Variants in DPP10 observed in about 807,000 individuals in gnomAD.
DPP10 encodes dipeptidyl peptidase like 10.
In DPP10, 33 loss-of-function variants were observed where a neutral mutation model predicts 120.9. That is an observed-to-expected ratio of 0.27 (90% confidence interval 0.21 to 0.37). The LOEUF (loss-of-function observed/expected upper bound fraction) is 0.37, where lower values mean the gene tolerates loss of function less well. Among genes scored for constraint, DPP10 ranks in the 10% least tolerant of loss-of-function variants. The probability of loss-of-function intolerance (pLI) is 1.00; values close to 1 mark genes in which losing one functional copy is unlikely to be tolerated. For missense variants in DPP10, 816 were observed against 942.8 expected, an observed-to-expected ratio of 0.87 and a Z score of 1.76; for synonymous variants, 337 against 326.1, an observed-to-expected ratio of 1.03 and a Z score of -0.36.
chr2:114,512,208 C>A (rs979313153), intron 1 of DPP10, among the ~76,000 whole-genome samples: 3 of 152,138 alleles, frequency 2.0e-5, no homozygotes, highest in African/African-American at 7.2e-5. Flanking sequence ...AATTAGTGAA[C>A]CCTGATGTTA....
intron 1 of DPP10, among the ~76,000 whole-genome samples, chr2:114,920,463 G>A (rs534733331): frequency 7.9e-5 from 12 of 152,194 alleles, no homozygotes; most frequent in Non-Finnish European, 1.6e-4. Flanking sequence ...ACTGATTAGT[G>A]AGGCAGTTCT....
chr2:115,178,128 G>C (rs1367182840), intron 1 of DPP10, among the ~76,000 whole-genome samples: 4 of 152,014 alleles, frequency 2.6e-5, no homozygotes, highest in Non-Finnish European at 5.9e-5. Context: ...TGATGAATTA[G>C]ATATTATGTG....
rs1559521524 is a variant in DPP10, at chr2:115,384,502, G to GAGGAA, written c.271+40591_271+40592insGGAAA. ...AGGAAGAAGAAGAAGAAGAGGAAAA[G>GAGGAA]AAGAAGAAGAAGGAAGAAGAGGAAG... On this transcript the variant is annotated intron_variant, in intron 3 of 25. Transcript: ENST00000410059. 2.7e-5 allele frequency among the ~76,000 whole-genome samples: 4 copies of GAGGAA among 145,976 alleles called. No individual in the cohort carries two copies. The East Asian group carries it at 7.0e-4, about 26-fold the overall frequency.
intron 4 of DPP10, among the ~76,000 whole-genome samples, chr2:115,523,596 G>A (rs180904257): frequency 3.3e-5 from 5 of 152,046 alleles, no homozygotes; most frequent in African/African-American, 4.8e-5. Context: ...ACATAACAGC[G>A]TACCATTTCA....
At chr2:115,393,613 G>A (rs1166826080) in intron 3 of DPP10, among the ~76,000 whole-genome samples, 1 of 152,178 alleles carries the variant, frequency 6.6e-6, no homozygotes, top group Non-Finnish European at 1.5e-5. Context: ...CAGTTTTCTG[G>A]CTCTGGGAAC....
At chr2:115,563,498 G>A (rs1233563893) in intron 5 of DPP10, among the ~76,000 whole-genome samples, 1 of 152,144 alleles carries the variant, frequency 6.6e-6, no homozygotes, top group Non-Finnish European at 1.5e-5. Flanking sequence ...ATTCCCTACA[G>A]CTGTGAACAG....
At chr2:115,574,476 C>T (rs2081533650) in intron 5 of DPP10, among the ~76,000 whole-genome samples, 2 of 152,168 alleles carry the variant, frequency 1.3e-5, no homozygotes, top group Admixed American at 1.3e-4. Flanking sequence ...GTTGCTTTCC[C>T]CATGTTTAAA....
rs190353550 is a variant in DPP10, at chr2:114,547,555, C to T, written c.60+104717C>T. Among the ~76,000 whole-genome samples the T allele has an allele frequency of 2.4e-4, 37 of 152,074 alleles. 1 individual carries two copies. Among genetic ancestry groups the T allele is most frequent in the African/African-American group, 8.7e-4 (36 of 41,498 alleles). On this transcript the variant is annotated intron_variant, in intron 1 of 25. Transcript: ENST00000410059. ...CTAGCTGTACAACTCTAGGAATGTT[C>T]CTTAGCCATTTGATTTTCTGTGTAT... is the stretch of plus-strand genomic sequence containing the variant.
At position 115,646,417 on chromosome 2, in the gene DPP10, T is replaced by C. The variant is rs75687420; in HGVS notation, c.442-43270T>C. The stretch of plus-strand genomic sequence containing the variant: ...TGAAGAGATTATATATGGGAGATTC[T>C]ATAATTACTTTAACAAAATTAAGAG... On this transcript the variant is annotated intron_variant, in intron 5 of 25. Coordinates refer to ENST00000410059, the MANE Select transcript of DPP10 (RefSeq NM_020868.6). Among the ~76,000 whole-genome samples, 881 of 152,324 alleles carry C rather than the reference T, an allele frequency of 5.8e-3. 9 individuals carry two copies. Among genetic ancestry groups the C allele is most frequent in the African/African-American group, 0.02 (851 of 41,566 alleles).
At chr2:115,277,824 A>C (rs2059982666) in intron 1 of DPP10, among the ~76,000 whole-genome samples, 1 of 152,194 alleles carries the variant, frequency 6.6e-6, no homozygotes. Flanking sequence ...TTTGAAACAC[A>C]GACTTTTAAA....
At chr2:114,956,127 T>G (rs1424916657) in intron 1 of DPP10, among the ~76,000 whole-genome samples, 5 of 151,872 alleles carry the variant, frequency 3.3e-5, no homozygotes, top group Admixed American at 6.6e-5. Flanking sequence ...ACAAAAAACA[T>G]TCAAAAAGGA....
chr2:115,202,420 TC>T (rs1388608041), intron 1 of DPP10, among the ~76,000 whole-genome samples: 2 of 152,198 alleles, frequency 1.3e-5, no homozygotes, highest in African/African-American at 4.8e-5. Context: ...CTGATTAAAC[TC>T]CCTGGGAATT....
At chr2:114,758,800 G>A (rs1680023788) in intron 1 of DPP10, among the ~76,000 whole-genome samples, 1 of 152,080 alleles carries the variant, frequency 6.6e-6, no homozygotes, top group Admixed American at 6.6e-5. Flanking sequence ...TATGTTGTCT[G>A]CACTTAGTTT....
chr2:115,064,089 C>T (rs2105409700), intron 1 of DPP10, among the ~76,000 whole-genome samples: 1 of 152,242 alleles, frequency 6.6e-6, no homozygotes, highest in East Asian at 1.9e-4. Context: ...CTCACTTTCA[C>T]ACAACATATA....
chr2:114,704,706 A>G (rs13409553), intron 1 of DPP10, among the ~76,000 whole-genome samples: 454 of 152,326 alleles, frequency 3.0e-3, no homozygotes, highest in African/African-American at 0.01. Flanking sequence ...AATGTGAAGT[A>G]TACCTACAGG....
chr2:114,945,423 A>T (rs1697271070), intron 1 of DPP10, among the ~76,000 whole-genome samples: 1 of 152,200 alleles, frequency 6.6e-6, no homozygotes, highest in Non-Finnish European at 1.5e-5. Flanking sequence ...AATGGGCAAA[A>T]GATCTGAACA....
At chr2:115,720,409 G>A (rs1375090721) in intron 7 of DPP10, among the ~76,000 whole-genome samples, 1 of 151,886 alleles carries the variant, frequency 6.6e-6, no homozygotes, top group Non-Finnish European at 1.5e-5. Flanking sequence ...GCTTAGAGGA[G>A]GAAACTTTTC....
At chr2:115,811,096 C>T (rs915547476) in intron 19 of DPP10, among the ~76,000 whole-genome samples, 1 of 152,124 alleles carries the variant, frequency 6.6e-6, no homozygotes, top group Non-Finnish European at 1.5e-5. Flanking sequence ...CAAGTAATGT[C>T]CCTCATTTTC....
chr2:115,479,996 C>G (rs377181992), intron 3 of DPP10, among the ~76,000 whole-genome samples: 3 of 152,056 alleles, frequency 2.0e-5, no homozygotes, highest in African/African-American at 7.2e-5. Flanking sequence ...TCTGATAGTA[C>G]GAGGAATGTT....
Sources: allele counts gnomAD v4.1 joint callset (sites outside exome capture counted in the v4.1 genomes callset), GRCh38; gene constraint gnomAD v4.1.1; transcripts MANE v1.5; gene names NCBI Gene and HGNC (gene_info 2026-07-23, HGNC 2026-07-21).